Variants in EHMT1 observed in about 807,000 individuals in gnomAD.
The protein encoded by EHMT1 is histone-lysine N-methyltransferase EHMT1.
Under a neutral mutation model 147.2 loss-of-function variants are expected in EHMT1, and 15 were observed. That is an observed-to-expected ratio of 0.10 (90% confidence interval 0.07 to 0.16). EHMT1 has a LOEUF of 0.16. EHMT1 is among the 10% of genes least tolerant of loss of function. The pLI is 1.00. For missense variants in EHMT1, 1,587 were observed against 1,772.4 expected (o/e 0.90, Z 1.88); for synonymous variants, 795 against 709.6 (o/e 1.12, Z -1.91).
chr9:137,754,784 T>G (rs1023945905), intron 8 of EHMT1, among the ~76,000 whole-genome samples: 1 of 152,234 alleles, frequency 6.6e-6, no homozygotes, highest in Non-Finnish European at 1.5e-5. Flanking sequence ...CCCAAAGTGC[T>G]GGGATTACAG....
At chr9:137,768,694 C>T (rs1253243586) in intron 10 of EHMT1, among the ~76,000 whole-genome samples, 7 of 148,790 alleles carry the variant, frequency 4.7e-5, no homozygotes, top group South Asian at 2.2e-4. Context: ...GGACTACAGG[C>T]GCCCGCCACT....
chr9:137,741,436 C>G (rs1224753165), intron 4 of EHMT1, among the ~76,000 whole-genome samples: 1 of 151,474 alleles, frequency 6.6e-6, no homozygotes, highest in Non-Finnish European at 1.5e-5. Flanking sequence ...CACACTGTTC[C>G]TGTCCCAGCT....
chr9:137,650,028 G>GCA (rs941673419), intron 1 of EHMT1, among the ~76,000 whole-genome samples: 2 of 152,084 alleles, frequency 1.3e-5, no homozygotes, highest in African/African-American at 4.8e-5. Flanking sequence ...TGGTGGCTGT[G>GCA]CCATCTAACA....
intron 12 of EHMT1, chr9:137,777,162 G>A: frequency 2.8e-6 from 1 of 363,360 alleles, no homozygotes; most frequent in East Asian, 6.4e-5. Context: ...ACGAGTGGTG[G>A]CTGCTGCAGT....
intron 1 of EHMT1, among the ~76,000 whole-genome samples, chr9:137,634,605 T>C (rs1203959243): frequency 3.3e-5 from 5 of 151,808 alleles, no homozygotes; most frequent in African/African-American, 1.2e-4. Context: ...CCTTGCATTT[T>C]CTTTCATTTC....
chr9:137,787,605 G>A lies in EHMT1; in HGVS notation c.2383-3243G>A, dbSNP rs758477325. ...GGTCGCAGACAACCGCCTCGCCTTG[G>A]CTCCCTGGCAACAAGCTGGGGGTGG... On this transcript the variant is annotated intron_variant, in intron 15 of 26. Coordinates refer to ENST00000460843, the MANE Select transcript of EHMT1 (RefSeq NM_024757.5). This position sits in a 1 kb window ranked among gnomAD's most constrained non-coding sequence, Gnocchi z 4.2. 2 of 509,980 alleles carry A rather than the reference G, an allele frequency of 3.9e-6. No individual in the cohort carries two copies. Among genetic ancestry groups the A allele is most frequent in the Non-Finnish European group, 7.1e-6 (2 of 281,700 alleles). The allele number at this position is 509,980 out of a possible 1,614,324, so 31.6% of individuals were successfully genotyped here.
intron 1 of EHMT1, among the ~76,000 whole-genome samples, chr9:137,675,944 C>G (rs542090931): frequency 6.6e-6 from 1 of 150,974 alleles, no homozygotes; most frequent in Non-Finnish European, 1.5e-5. Flanking sequence ...CCACTACGCC[C>G]GGCTAATTTT....
At chr9:137,756,770 G>A (rs531845691) in intron 8 of EHMT1, among the ~76,000 whole-genome samples, 1 of 152,266 alleles carries the variant, frequency 6.6e-6, no homozygotes, top group Admixed American at 6.5e-5. Flanking sequence ...TATTCACAGA[G>A]GAGTTTGAAT....
At chr9:137,672,049 A>G (rs906248935) in intron 1 of EHMT1, among the ~76,000 whole-genome samples, 2 of 152,218 alleles carry the variant, frequency 1.3e-5, no homozygotes, top group Non-Finnish European at 2.9e-5. Context: ...GGCTCCGGCT[A>G]CATACAGATG....
intron 1 of EHMT1, among the ~76,000 whole-genome samples, chr9:137,706,118 A>T (rs943729413): frequency 6.6e-6 from 1 of 152,056 alleles, no homozygotes; most frequent in African/African-American, 2.4e-5. Flanking sequence ...GTCAAGGCAC[A>T]CGGGGCCATG....
At chr9:137,753,445 G>A (rs1348147964) in intron 7 of EHMT1, among the ~76,000 whole-genome samples, 1 of 152,254 alleles carries the variant, frequency 6.6e-6, no homozygotes, top group Non-Finnish European at 1.5e-5. Context: ...CCGGGGCTGT[G>A]TGTGCTGCAG....
chr9:137,692,561 C>T (rs375469621), intron 1 of EHMT1, among the ~76,000 whole-genome samples: 4 of 152,062 alleles, frequency 2.6e-5, no homozygotes, highest in East Asian at 1.9e-4. Context: ...CCACCGAGCC[C>T]GGCCTCAGAT....
At chr9:137,803,298 T>C (rs1953655457) in intron 18 of EHMT1, 2 of 1,002,178 alleles carry the variant, frequency 2.0e-6, no homozygotes, top group Non-Finnish European at 2.4e-6. Context: ...CCAGAAGCCA[T>C]TGTTGCTGTC....
chr9:137,739,293 T>G (rs1356863896), intron 4 of EHMT1, among the ~76,000 whole-genome samples: 2 of 151,214 alleles, frequency 1.3e-5, no homozygotes, highest in Non-Finnish European at 2.9e-5. Context: ...GAGGCGGAGC[T>G]TGCAGTGAGC....
chr9:137,826,810 C>G (rs1588911864), intron 25 of EHMT1, among the ~76,000 whole-genome samples: 1 of 152,200 alleles, frequency 6.6e-6, no homozygotes, highest in South Asian at 2.1e-4. Context: ...TCCTCCTGCT[C>G]ACCTAGGGCC....
intron 1 of EHMT1, among the ~76,000 whole-genome samples, chr9:137,651,916 G>A (rs1483162470): frequency 1.3e-5 from 2 of 152,198 alleles, no homozygotes; most frequent in Non-Finnish European, 2.9e-5. Flanking sequence ...GCTATCAGTT[G>A]TCTAAAAGTC....
intron 1 of EHMT1, among the ~76,000 whole-genome samples, chr9:137,692,267 CTT>C (rs11398600): frequency 1.6e-4 from 19 of 118,346 alleles, no homozygotes; most frequent in Admixed American, 2.6e-4. Flanking sequence ...TTCTTTCTTT[CTT>C]TTTTTTTTTT....
intron 1 of EHMT1, among the ~76,000 whole-genome samples, chr9:137,655,284 T>C (rs977206305): frequency 2.0e-5 from 3 of 152,170 alleles, no homozygotes; most frequent in Admixed American, 2.0e-4. Flanking sequence ...CCCAAAGTGC[T>C]GGGATTATAG....
intron 25 of EHMT1, among the ~76,000 whole-genome samples, chr9:137,831,862 C>T (rs887913743): frequency 6.6e-6 from 1 of 152,268 alleles, no homozygotes; most frequent in Non-Finnish European, 1.5e-5. Flanking sequence ...GCCCCTTCTG[C>T]AGGCCCGGCC....
Sources: allele counts gnomAD v4.1 joint callset (sites outside exome capture counted in the v4.1 genomes callset), GRCh38; gene constraint gnomAD v4.1.1; non-coding constraint Gnocchi (gnomAD v3.1); transcripts MANE v1.5; gene names NCBI Gene and HGNC (gene_info 2026-07-23, HGNC 2026-07-21).